PLPP3: variants seen among roughly 807,000 people sequenced by gnomAD.
PLPP3 encodes phospholipid phosphatase 3, also known as PAP2 beta.
PLPP3 carries 6 observed loss-of-function variants against 29.6 expected under a neutral mutation model. The ratio of observed to expected loss-of-function variants is 0.20; its 90% CI spans 0.11 to 0.40. PLPP3 has a LOEUF of 0.40. Ranked by LOEUF, PLPP3 falls within the 10% of genes least tolerant of loss-of-function variation. The pLI is 1.00. For synonymous variants in PLPP3, 152 were observed against 159.7 expected, an observed-to-expected ratio of 0.95 and a Z score of 0.36; for missense variants, 308 against 407.7, an observed-to-expected ratio of 0.76 and a Z score of 2.11.
At chr1:56,529,037 A>T (rs933900429) in intron 2 of PLPP3, among the ~76,000 whole-genome samples, 9 of 151,956 alleles carry the variant, frequency 5.9e-5, no homozygotes, top group African/African-American at 2.2e-4. Flanking sequence ...AGTCTGAAGG[A>T]CAAACTTTCC....
In PLPP3 at chr1:56,528,912, T is replaced by C. The variant is rs369260249; in HGVS notation, c.298-4358A>G. 1.5e-4 allele frequency among the ~76,000 whole-genome samples: 23 copies of C among 151,130 alleles called. No individual in the cohort carries two copies. The South Asian group carries it at 3.8e-3, about 25-fold the overall frequency. On this transcript the variant is annotated intron_variant, in intron 2 of 5. Transcript: ENST00000371250. ...AGAAGGGACAACCCTACTCTACTGT[T>C]TTGTGTTATTTTTAACATTCCACTC... is the stretch of plus-strand genomic sequence containing the variant.
intron 4 of PLPP3, among the ~76,000 whole-genome samples, chr1:56,522,982 C>T (rs913589116): frequency 1.3e-5 from 2 of 152,158 alleles, no homozygotes; most frequent in African/African-American, 4.8e-5. Flanking sequence ...ACTTCACCTG[C>T]ATTACCCAAC....
intron 1 of PLPP3, among the ~76,000 whole-genome samples, chr1:56,547,733 C>T (rs753950069): frequency 1.3e-5 from 2 of 152,172 alleles, no homozygotes; most frequent in African/African-American, 2.4e-5. Context: ...CATTTCAGCA[C>T]ACCCCTAACC....
At chr1:56,532,401 G>A (rs984874065) in intron 2 of PLPP3, among the ~76,000 whole-genome samples, 2 of 151,982 alleles carry the variant, frequency 1.3e-5, no homozygotes, top group Non-Finnish European at 2.9e-5. Flanking sequence ...TTGAAAACTC[G>A]ACTAGCCTTT....
intron 1 of PLPP3, among the ~76,000 whole-genome samples, chr1:56,545,891 C>T (rs1050556409): frequency 4.6e-5 from 7 of 151,940 alleles, no homozygotes; most frequent in African/African-American, 7.3e-5. Context: ...GTGCCAAAAG[C>T]GAAGAGGTGA....
chr1:56,557,056 G>GAGAGAAAGAA (rs1553139372), intron 1 of PLPP3, among the ~76,000 whole-genome samples: 1 of 9,134 alleles, frequency 1.1e-4, no homozygotes, highest in African/African-American at 2.3e-4. Flanking sequence ...GAGAGAGAGA[G>GAGAGAAAGAA]AGAAAGAAAG....
At chr1:56,498,288 C>T (rs949892287) in intron 5 of PLPP3, among the ~76,000 whole-genome samples, 117 of 152,324 alleles carry the variant, frequency 7.7e-4, no homozygotes, top group African/African-American at 2.6e-3. Context: ...AAGATCTGTG[C>T]ACAACCTGCC....
chr1:56,574,427 G>T (rs1205946652), intron 1 of PLPP3, among the ~76,000 whole-genome samples: 3 of 151,836 alleles, frequency 2.0e-5, no homozygotes, highest in African/African-American at 7.3e-5. Context: ...GTTAATTTTT[G>T]ATTTTTTTGT....
At chr1:56,500,659 T>A (rs1193733127) in intron 5 of PLPP3, among the ~76,000 whole-genome samples, 1 of 152,112 alleles carries the variant, frequency 6.6e-6, no homozygotes, top group East Asian at 1.9e-4. Flanking sequence ...GCCCTAGGAA[T>A]CATTGTCAAG....
At position 56,579,017 on chromosome 1, in the gene PLPP3, G is replaced by A; in HGVS notation, c.-1C>T. The A allele has an allele frequency of 6.3e-7, 1 of 1,590,452 alleles. No individual in the cohort carries two copies. Among genetic ancestry groups the A allele is most frequent in the Non-Finnish European group, 8.5e-7 (1 of 1,170,806 alleles). On this transcript the variant is annotated 5_prime_UTR_variant, in exon 1 of 6. Coordinates refer to ENST00000371250, the MANE Select transcript of PLPP3 (RefSeq NM_003713.5). ...CTTTGTCGTACTTGTAGTTTTGCAT[G>A]GCGCTGGCTGCGGCGCGAGCCTCCC...
rs1019284186 is a variant in PLPP3, at chr1:56,579,390, C to A, written c.-374G>T. ...GCGCGGGCGCTCGGCCACCTTCCTCCGCAGCTGGTTCCTTAATGAATGGGA... is the reference window on the plus strand; with the variant it reads ...GCGCGGGCGCTCGGCCACCTTCCTCAGCAGCTGGTTCCTTAATGAATGGGA... On this transcript the variant is annotated 5_prime_UTR_variant, in exon 1 of 6. Coordinates refer to ENST00000371250, the MANE Select transcript of PLPP3 (RefSeq NM_003713.5). 4.0e-6 allele frequency: 1 copy of A among 252,212 alleles called. No homozygotes were observed. The highest frequency in any genetic ancestry group is 7.6e-6 in the Non-Finnish European group (1 of 130,874). 15.6% of individuals were successfully genotyped at this position (252,212 alleles called of 1,614,324 possible).
intron 1 of PLPP3, among the ~76,000 whole-genome samples, chr1:56,557,342 C>T (rs558307469): frequency 1.2e-3 from 184 of 151,616 alleles, no homozygotes; most frequent in Middle Eastern, 6.8e-3. Flanking sequence ...CGCACCACTG[C>T]ACTCCAGCCT....
chr1:56,534,654 G>A (rs754740372), intron 2 of PLPP3, among the ~76,000 whole-genome samples: 1 of 152,150 alleles, frequency 6.6e-6, no homozygotes, highest in Non-Finnish European at 1.5e-5. Context: ...GAAATGTGTC[G>A]ACGTCATCGT....
chr1:56,509,754 T>A (rs1215112558), intron 5 of PLPP3, among the ~76,000 whole-genome samples: 2 of 149,040 alleles, frequency 1.3e-5, no homozygotes, highest in Non-Finnish European at 3.0e-5. Context: ...GGGAAGAATC[T>A]TCAACCTGAG....
chr1:56,537,168 G>A, intron 1 of PLPP3, 56 bp from the exon 2 acceptor site: 1 of 1,551,516 alleles, frequency 6.4e-7, no homozygotes, highest in South Asian at 1.2e-5. Context: ...AAAGGAAGGG[G>A]AAAACATCAG....
chr1:56,544,742 A>G (rs1365364492), intron 1 of PLPP3, among the ~76,000 whole-genome samples: 2 of 152,216 alleles, frequency 1.3e-5, no homozygotes, highest in African/African-American at 4.8e-5. Context: ...TACATGAACT[A>G]TGTCTATTCA....
chr1:56,545,543 A>G (rs1056433776), intron 1 of PLPP3, among the ~76,000 whole-genome samples: 1 of 152,178 alleles, frequency 6.6e-6, no homozygotes, highest in Non-Finnish European at 1.5e-5. Flanking sequence ...TTGGGTAGAC[A>G]AATGGGGCTT....
At chr1:56,509,704 C>T (rs1261413) in intron 5 of PLPP3, among the ~76,000 whole-genome samples, 28,141 of 151,542 alleles carry the variant, frequency 0.19, 2,840 homozygotes, top group Middle Eastern at 0.26. Context: ...CCAGGCATGA[C>T]GGTGGGTGCC....
chr1:56,567,117 G>A (rs1350821770), intron 1 of PLPP3, among the ~76,000 whole-genome samples: 1 of 152,134 alleles, frequency 6.6e-6, no homozygotes, highest in Non-Finnish European at 1.5e-5. Context: ...GAGTCTGTAC[G>A]TCACAGTCAC....
Sources: gnomAD v4.1 joint callset for allele counts (sites outside exome capture counted in the v4.1 genomes callset) on GRCh38, gnomAD v4.1.1 for gene constraint, MANE v1.5 for transcripts, NCBI Gene and HGNC (gene_info 2026-07-23, HGNC 2026-07-21) for gene names.